Variants in FGGY observed in about 807,000 individuals in gnomAD.
The protein encoded by FGGY is FGGY carbohydrate kinase domain containing.
FGGY carries 72 observed loss-of-function variants against 71.3 expected under a neutral mutation model. The ratio of observed to expected loss-of-function variants is 1.01; its 90% CI spans 0.84 to 1.23. The LOEUF (loss-of-function observed/expected upper bound fraction) is 1.23. FGGY is among the 50% of genes most tolerant of loss of function. FGGY has a pLI of 0.00. For missense variants in FGGY, 668 were observed against 682.3 expected (o/e 0.98, Z 0.23); for synonymous variants, 251 against 250.3 (o/e 1.00, Z -0.02).
At chr1:59,520,996 A>C (rs1022982068) in intron 7 of FGGY, among the ~76,000 whole-genome samples, 1 of 131,402 alleles carries the variant, frequency 7.6e-6, no homozygotes. Flanking sequence ...GAGAGAGAAT[A>C]TGGATCCAAA....
At chr1:59,752,097 T>G (rs186031229) in intron 14 of FGGY, among the ~76,000 whole-genome samples, 7 of 152,340 alleles carry the variant, frequency 4.6e-5, no homozygotes, top group Non-Finnish European at 1.0e-4. Flanking sequence ...AATTGTCTAG[T>G]AACAATCCAT....
intron 11 of FGGY, among the ~76,000 whole-genome samples, chr1:59,656,308 G>T (rs931573065): frequency 6.6e-6 from 1 of 152,180 alleles, no homozygotes; most frequent in Non-Finnish European, 1.5e-5. Flanking sequence ...TAGGGAATCA[G>T]TTCATCTGGC....
At chr1:59,300,724 G>A (rs1325483278) in intron 1 of FGGY, among the ~76,000 whole-genome samples, 1 of 151,770 alleles carries the variant, frequency 6.6e-6, no homozygotes, top group Non-Finnish European at 1.5e-5. Context: ...TTCCAGCACT[G>A]TTTGCTGAAA....
intron 1 of FGGY, among the ~76,000 whole-genome samples, chr1:59,314,146 T>G (rs967793578): frequency 6.6e-6 from 1 of 152,136 alleles, no homozygotes; most frequent in African/African-American, 2.4e-5. Context: ...TTTGTATTTT[T>G]AGTAGAGACG....
At chr1:59,560,719 A>G (rs991042719) in intron 8 of FGGY, among the ~76,000 whole-genome samples, 1 of 152,288 alleles carries the variant, frequency 6.6e-6, no homozygotes, top group Admixed American at 6.5e-5. Context: ...AGGCACATTG[A>G]GAAAGACAGA....
intron 6 of FGGY, among the ~76,000 whole-genome samples, chr1:59,501,929 A>G (rs924485781): frequency 1.3e-5 from 2 of 152,188 alleles, no homozygotes; most frequent in African/African-American, 4.8e-5. Flanking sequence ...GCGATGTCCA[A>G]TACACTGGGA....
At chr1:59,397,869 A>G (rs768410118) in intron 5 of FGGY, among the ~76,000 whole-genome samples, 1 of 152,192 alleles carries the variant, frequency 6.6e-6, no homozygotes, top group African/African-American at 2.4e-5. Flanking sequence ...GCTCATTCCT[A>G]TTTGACAACA....
chr1:59,596,642 A>C (rs2096527704), intron 8 of FGGY, among the ~76,000 whole-genome samples: 1 of 152,118 alleles, frequency 6.6e-6, no homozygotes, highest in Non-Finnish European at 1.5e-5. Context: ...AGCTGGAAGA[A>C]TGTGTGTGAA....
At chr1:59,374,381 G>A (rs936700178) in intron 4 of FGGY, among the ~76,000 whole-genome samples, 6 of 152,280 alleles carry the variant, frequency 3.9e-5, no homozygotes, top group African/African-American at 7.2e-5. Flanking sequence ...TTAGAATGGT[G>A]ATCTTTAAAA....
intron 14 of FGGY, among the ~76,000 whole-genome samples, chr1:59,706,666 G>A (rs192647382): frequency 5.3e-5 from 8 of 152,236 alleles, no homozygotes; most frequent in East Asian, 1.9e-4. Context: ...GTGGTGATGA[G>A]TATCAAAAAA....
At chr1:59,572,100 G>A (rs568226141) in intron 8 of FGGY, among the ~76,000 whole-genome samples, 1 of 152,214 alleles carries the variant, frequency 6.6e-6, no homozygotes, top group South Asian at 2.1e-4. Flanking sequence ...TTTTTTTAAT[G>A]TTCACATAAG....
At chr1:59,578,573 A>G (rs1350597464) in intron 8 of FGGY, among the ~76,000 whole-genome samples, 2 of 152,150 alleles carry the variant, frequency 1.3e-5, no homozygotes, top group Non-Finnish European at 2.9e-5. Flanking sequence ...GGGAGTTTTA[A>G]TTATTATAAT....
intron 5 of FGGY, among the ~76,000 whole-genome samples, chr1:59,408,569 A>G (rs1029382871): frequency 9.2e-5 from 14 of 152,212 alleles, no homozygotes; most frequent in African/African-American, 3.4e-4. Flanking sequence ...GTATATGTAT[A>G]AATATTCTGT....
chr1:59,742,220 C>T (rs2098156294), intron 14 of FGGY, among the ~76,000 whole-genome samples: 1 of 152,202 alleles, frequency 6.6e-6, no homozygotes, highest in Admixed American at 6.5e-5. Flanking sequence ...TCACCACCAC[C>T]CCTGCCTCCT....
In FGGY at chr1:59,689,003, G is replaced by A. The variant is rs530467311; in HGVS notation, c.1512+14870G>A. Among the ~76,000 whole-genome samples the A allele has an allele frequency of 3.3e-5, 5 of 152,260 alleles. No homozygotes were observed. In the South Asian group the frequency reaches 1.0e-3, roughly 32 times the overall value. On this transcript the variant is annotated intron_variant, in intron 14 of 15. Coordinates refer to ENST00000303721, the MANE Select transcript of FGGY (RefSeq NM_018291.5). Reference sequence around the variant, plus strand: ...GACCTCAGGTGATCTGCCCACCTCGGCCTCCCAAAGTGCTGGGATGATAGG... The same window carrying A: ...GACCTCAGGTGATCTGCCCACCTCGACCTCCCAAAGTGCTGGGATGATAGG...
At chr1:59,532,996 G>C (rs2095195223) in intron 7 of FGGY, among the ~76,000 whole-genome samples, 1 of 152,148 alleles carries the variant, frequency 6.6e-6, no homozygotes, top group African/African-American at 2.4e-5. Context: ...AAAAATTTTA[G>C]GGAGGAGCCA....
intron 4 of FGGY, among the ~76,000 whole-genome samples, chr1:59,371,930 G>A (rs2057720016): frequency 6.6e-6 from 1 of 152,136 alleles, no homozygotes; most frequent in Non-Finnish European, 1.5e-5. Context: ...GAAATTTATA[G>A]CACTAAATGC....
intron 7 of FGGY, among the ~76,000 whole-genome samples, chr1:59,534,484 C>T (rs1285651797): frequency 6.6e-6 from 1 of 151,872 alleles, no homozygotes; most frequent in African/African-American, 2.4e-5. Flanking sequence ...CAGAGAACGC[C>T]ACAAAGATAC....
At chr1:59,371,688 C>A (rs905816742) in intron 4 of FGGY, among the ~76,000 whole-genome samples, 1 of 152,106 alleles carries the variant, frequency 6.6e-6, no homozygotes, top group Non-Finnish European at 1.5e-5. Flanking sequence ...TGTAAAAGAA[C>A]AGAAATTATA....
Sources: gnomAD v4.1 joint callset for allele counts (sites outside exome capture counted in the v4.1 genomes callset) on GRCh38, gnomAD v4.1.1 for gene constraint, MANE v1.5 for transcripts, NCBI Gene and HGNC (gene_info 2026-07-23, HGNC 2026-07-21) for gene names.